KCNA3: variants seen among roughly 807,000 people sequenced by gnomAD.
The protein encoded by KCNA3 is RP11-284N8.3.
A neutral mutation model predicts 34.3 loss-of-function variants in KCNA3; 18 were observed. That is an observed-to-expected ratio of 0.52 (90% CI 0.36 to 0.78). KCNA3 has a LOEUF of 0.78. KCNA3 is among the 30% of genes least tolerant of loss of function. The pLI, the probability that KCNA3 is intolerant of heterozygous loss-of-function variation, is 0.00. For missense variants in KCNA3, 587 were observed against 802.5 expected, an observed-to-expected ratio of 0.73 and a Z score of 3.24; for synonymous variants, 324 against 351.7, an observed-to-expected ratio of 0.92 and a Z score of 0.88.
downstream of KCNA3, among the ~76,000 whole-genome samples, chr1:110,669,944 A>G (rs1362551665): frequency 1.3e-5 from 2 of 152,188 alleles, no homozygotes; most frequent in East Asian, 3.8e-4. Context: ...ATCTCTTAGC[A>G]AAATCTCTGA....
the KCNA3 span, among the ~76,000 whole-genome samples, chr1:110,660,043 CT>C: frequency 1.3e-5 from 2 of 151,968 alleles, no homozygotes; most frequent in African/African-American, 2.4e-5. Context: ...TGTATCAAAC[CT>C]GCATGTTGTG....
the KCNA3 span, among the ~76,000 whole-genome samples, chr1:110,664,281 A>G: frequency 6.6e-6 from 1 of 152,196 alleles, no homozygotes; most frequent in African/African-American, 2.4e-5. Flanking sequence ...ACGTATGAAA[A>G]AACATGGTCT....
At chr1:110,657,380 A>C in the KCNA3 span, among the ~76,000 whole-genome samples, 5 of 152,088 alleles carry the variant, frequency 3.3e-5, no homozygotes, top group African/African-American at 4.8e-5. Context: ...AAATGTGTAT[A>C]ATGAGAATTT....
Position 110,672,998 on chromosome 1 carries a change from GA to G in KCNA3, c.*83del. ...GGTCCTTTCCTTGATGAATGGTCTG[GA>G]AATGTATAAAACAAGGGCATAGGCA... On this transcript the variant is annotated 3_prime_UTR_variant, in exon 1 of 1. Coordinates refer to ENST00000369769, the MANE Select transcript of KCNA3 (RefSeq NM_002232.5). The G allele has an allele frequency of 7.7e-7, 1 of 1,307,112 alleles. No homozygotes were observed. Among genetic ancestry groups the G allele is most frequent in the Non-Finnish European group, 1.1e-6 (1 of 941,518 alleles). The allele number at this position is 1,307,112 out of a possible 1,614,324, so 81.0% of individuals were successfully genotyped here.
In KCNA3 at chr1:110,672,964, A is replaced by T; in HGVS notation, c.*118T>A. 1 of 1,045,744 alleles carries T rather than the reference A, an allele frequency of 9.6e-7. No homozygotes were observed. The highest frequency in any genetic ancestry group is 1.4e-6 in the Non-Finnish European group (1 of 714,732). The allele number at this position is 1,045,744 out of a possible 1,614,324, so 64.8% of individuals were successfully genotyped here. On this transcript the variant is annotated 3_prime_UTR_variant, in exon 1 of 1. Coordinates refer to ENST00000369769, the MANE Select transcript of KCNA3 (RefSeq NM_002232.5). ...AGAGGGAGAATGAAGTGTGCTTTCC[A>T]CTTCTTCAGGTCCTTTCCTTGATGA... is the stretch of plus-strand genomic sequence containing the variant.
the KCNA3 span, among the ~76,000 whole-genome samples, chr1:110,663,638 G>A: frequency 7.2e-4 from 109 of 152,212 alleles, 2 homozygotes; most frequent in African/African-American, 2.5e-3. Flanking sequence ...ATAAAATCAT[G>A]GCACTATCTG....
rs1349101676 is a variant in KCNA3 at position 110,674,020 on chromosome 1, CCTT to C, written c.787_789del (p.Lys263del). The stretch of plus-strand genomic sequence containing the variant: ...TCCTGCGACGTCGAGGCGGGGTAGT[CCTT>C]CTCGTCGCGGAACTCCGGCAGCGTC... On this transcript the variant is annotated inframe_deletion, in exon 1 of 1. Transcript: ENST00000369769. This position sits in a 1 kb window ranked among gnomAD's most constrained non-coding sequence, Gnocchi z 6.4. The C allele has an allele frequency of 2.8e-5, 45 of 1,610,550 alleles. No homozygotes were observed. Among genetic ancestry groups the C allele is most frequent in the Non-Finnish European group, 3.4e-5 (40 of 1,177,734 alleles).
Position 110,673,469 on chromosome 1 carries a change from G to A in KCNA3, c.1341C>T (p.Tyr447=), listed in dbSNP as rs760268951. The change falls in exon 1 of 1, where the codon TAC becomes TAT. Residue 447 remains tyrosine, a synonymous_variant. Transcript: ENST00000369769. This position sits in a 1 kb window ranked among gnomAD's most constrained non-coding sequence, Gnocchi z 8.8. Reference sequence around the variant, plus strand: ...CTATGGTCACTGGGTGCATATCGCCGTAACCCACTGTTGTCATGGTTACCA... The same window carrying A: ...CTATGGTCACTGGGTGCATATCGCCATAACCCACTGTTGTCATGGTTACCA... The part of the protein sequence containing the change: ...WAVVTMTTVG[Y]GDMHPVTIGG... The A allele has an allele frequency of 3.1e-6, 5 of 1,614,134 alleles. No homozygotes were observed. Among genetic ancestry groups the A allele is most frequent in the Admixed American group, 3.3e-5 (2 of 60,026 alleles).
chr1:110,662,401 C>T, the KCNA3 span, among the ~76,000 whole-genome samples: 5 of 152,118 alleles, frequency 3.3e-5, no homozygotes, highest in African/African-American at 9.7e-5. Context: ...ACCTAGCTTA[C>T]TTAACTGTTA....
At position 110,672,945 on chromosome 1, in the gene KCNA3, A is replaced by G; in HGVS notation, c.*137T>C. On this transcript the variant is annotated 3_prime_UTR_variant, in exon 1 of 1. Transcript: ENST00000369769. ...TCAGTATGAAGCAGCAGGGAGAGGG[A>G]GAATGAAGTGTGCTTTCCACTTCTT... 2 of 857,814 alleles carry G rather than the reference A, an allele frequency of 2.3e-6. No homozygotes were observed. The highest frequency in any genetic ancestry group is 3.6e-6 in the Non-Finnish European group (2 of 552,568). 53.1% of individuals were successfully genotyped at this position (857,814 alleles called of 1,614,324 possible).
chr1:110,657,579 A>G, the KCNA3 span, among the ~76,000 whole-genome samples: 20 of 152,210 alleles, frequency 1.3e-4, no homozygotes, highest in Admixed American at 3.9e-4. Flanking sequence ...AATCATATTC[A>G]GTATAACAGT....
At chr1:110,666,131 A>T in the KCNA3 span, among the ~76,000 whole-genome samples, 2 of 152,240 alleles carry the variant, frequency 1.3e-5, no homozygotes, top group African/African-American at 2.4e-5. Context: ...AGATTTGAGC[A>T]TCTATGAAAT....
the KCNA3 span, among the ~76,000 whole-genome samples, chr1:110,657,329 G>A: frequency 1.3e-5 from 2 of 152,160 alleles, no homozygotes; most frequent in Admixed American, 6.5e-5. Context: ...TTACAGGCAT[G>A]AGCCACCGCA....
chr1:110,670,356 G>C (rs1379106468), downstream of KCNA3, among the ~76,000 whole-genome samples: 1 of 152,040 alleles, frequency 6.6e-6, no homozygotes, highest in Admixed American at 6.6e-5. Context: ...TCAAAAGCCA[G>C]GATATTTCTC....
chr1:110,656,633 CT>C, the KCNA3 span: 1 of 152,230 alleles, frequency 6.6e-6, no homozygotes, highest in Non-Finnish European at 1.5e-5. Flanking sequence ...CCTGCTTAAG[CT>C]CTACCAATCT....
rs1156716126 is a variant in KCNA3 at position 110,672,992 on chromosome 1, G to C, written c.*90C>G. On this transcript the variant is annotated 3_prime_UTR_variant, in exon 1 of 1. Transcript: ENST00000369769. ...TCTTCAGGTCCTTTCCTTGATGAAT[G>C]GTCTGGAAATGTATAAAACAAGGGC... 2.4e-6 allele frequency: 3 copies of C among 1,240,256 alleles called. No homozygotes were observed. The Admixed American group carries it at 6.7e-5, about 28-fold the overall frequency. The allele number at this position is 1,240,256 out of a possible 1,614,324, so 76.8% of individuals were successfully genotyped here. A position where few individuals can be genotyped will look rare whatever the true frequency, so the allele number is the denominator to read the frequency against.
chr1:110,664,158 A>G, the KCNA3 span, among the ~76,000 whole-genome samples: 2 of 152,188 alleles, frequency 1.3e-5, no homozygotes, highest in Non-Finnish European at 2.9e-5. Flanking sequence ...TGTCTGCTAG[A>G]TAGATAAGCC....
the KCNA3 span, among the ~76,000 whole-genome samples, chr1:110,665,436 A>G: frequency 6.6e-6 from 1 of 152,238 alleles, no homozygotes; most frequent in Non-Finnish European, 1.5e-5. Context: ...ACTTTGAGCA[A>G]CTGGAAAATT....
the KCNA3 span, among the ~76,000 whole-genome samples, chr1:110,666,205 A>G: frequency 1.3e-5 from 2 of 152,350 alleles, no homozygotes; most frequent in South Asian, 4.1e-4. Flanking sequence ...AAAAAATAGC[A>G]CATAAGTAAT....
Sources: gnomAD v4.1 joint callset for allele counts (sites outside exome capture counted in the v4.1 genomes callset) on GRCh38, gnomAD v4.1.1 for gene constraint, Gnocchi (gnomAD v3.1) non-coding constraint, MANE v1.5 for transcripts, NCBI Gene and HGNC (gene_info 2026-07-23, HGNC 2026-07-21) for gene names.